MAP3K5: variants seen among roughly 807,000 people sequenced by gnomAD.
The protein encoded by MAP3K5 is ASK-1.
In MAP3K5, 56 loss-of-function variants were observed where a neutral mutation model predicts 158.7. The ratio of observed to expected loss-of-function variants is 0.35; its 90% CI spans 0.28 to 0.44. The LOEUF (loss-of-function observed/expected upper bound fraction) is 0.44. Ranked by LOEUF, MAP3K5 falls within the 20% of genes least tolerant of loss-of-function variation. The probability of loss-of-function intolerance (pLI) is 1.00; values close to 1 mark genes in which losing one functional copy is unlikely to be tolerated. For missense variants in MAP3K5, 1,294 were observed against 1,674.8 expected, an observed-to-expected ratio of 0.77 and a Z score of 3.97; for synonymous variants, 579 against 601.7, an observed-to-expected ratio of 0.96 and a Z score of 0.55.
intron 11 of MAP3K5, among the ~76,000 whole-genome samples, chr6:136,642,909 G>A (rs897921863): frequency 2.0e-5 from 3 of 152,136 alleles, no homozygotes; most frequent in Admixed American, 2.0e-4. Flanking sequence ...TATTATTACA[G>A]TTGAGAAATA....
chr6:136,647,862 G>A lies in MAP3K5; in HGVS notation c.1788+3122C>T, dbSNP rs112931561. 6.7e-3 allele frequency: 1,021 copies of A among 152,312 alleles called. 17 individuals are homozygous for A. The highest frequency in any genetic ancestry group is 0.021 in the African/African-American group (888 of 41,468). 9.4% of individuals were successfully genotyped at this position (152,312 alleles called of 1,614,324 possible). A position where few individuals can be genotyped will look rare whatever the true frequency, so the allele number is the denominator to read the frequency against. On this transcript the variant is annotated intron_variant, in intron 11 of 29. Coordinates refer to ENST00000359015, the MANE Select transcript of MAP3K5 (RefSeq NM_005923.4). ...TCACTGATCTTCCTCCTCACTGAAC[G>A]CCACAGACCAAGAACCCATAATGTC...
chr6:136,772,517 A>G (rs964646827), intron 1 of MAP3K5, among the ~76,000 whole-genome samples: 2 of 152,088 alleles, frequency 1.3e-5, no homozygotes, highest in African/African-American at 2.4e-5. Context: ...TGAACAGACA[A>G]TGAAAATGAA....
chr6:136,677,666 A>G (rs1779765090), intron 7 of MAP3K5, among the ~76,000 whole-genome samples: 3 of 152,244 alleles, frequency 2.0e-5, no homozygotes, highest in African/African-American at 4.8e-5. Flanking sequence ...ATGTGGTACA[A>G]TCACAAAATT....
intron 1 of MAP3K5, among the ~76,000 whole-genome samples, chr6:136,730,828 G>A (rs1782194214): frequency 6.6e-6 from 1 of 151,890 alleles, no homozygotes; most frequent in Non-Finnish European, 1.5e-5. Context: ...AGGCTTCCTG[G>A]ACTCAGGAAT....
At position 136,651,101 on chromosome 6, in the gene MAP3K5, A is replaced by C. The variant is rs375403180; in HGVS notation, c.1681-10T>G. 1 of 1,461,780 alleles carries C rather than the reference A, an allele frequency of 6.8e-7. No individual in the cohort carries two copies. The highest frequency in any genetic ancestry group is 1.4e-5 in the African/African-American group (1 of 72,094). 90.6% of individuals were successfully genotyped at this position (1,461,780 alleles called of 1,614,324 possible). On this transcript the variant is annotated splice_polypyrimidine_tract_variant and intron_variant, in intron 10 of 29. Coordinates refer to ENST00000359015, the MANE Select transcript of MAP3K5 (RefSeq NM_005923.4). The stretch of plus-strand genomic sequence containing the variant: ...GTTCTAATATTAATACCTTGAAAAG[A>C]TACGGCAAAGAAACTAATATCAGTG...
At chr6:136,660,621 GT>G (rs1305882218) in intron 8 of MAP3K5, among the ~76,000 whole-genome samples, 3 of 151,934 alleles carry the variant, frequency 2.0e-5, no homozygotes, top group Non-Finnish European at 2.9e-5. Context: ...ATAAGTATTT[GT>G]TTGCTTAAAA....
At chr6:136,677,934 C>CAGGCA (rs765764234) in intron 7 of MAP3K5, among the ~76,000 whole-genome samples, 88 of 152,338 alleles carry the variant, frequency 5.8e-4, no homozygotes, top group Non-Finnish European at 1.1e-3. Context: ...CATAATACTT[C>CAGGCA]TAATTCTGAC....
chr6:136,709,137 C>T (rs1781200784), intron 2 of MAP3K5, among the ~76,000 whole-genome samples: 1 of 152,106 alleles, frequency 6.6e-6, no homozygotes, highest in South Asian at 2.1e-4. Context: ...ATTCTCTCAC[C>T]CTACATCATG....
intron 7 of MAP3K5, among the ~76,000 whole-genome samples, chr6:136,682,983 T>C (rs2114602686): frequency 6.6e-6 from 1 of 152,144 alleles, no homozygotes; most frequent in East Asian, 1.9e-4. Context: ...AAATTTAATA[T>C]AGTCAATGTC....
At chr6:136,762,395 C>A (rs1165419530) in intron 1 of MAP3K5, among the ~76,000 whole-genome samples, 1 of 152,160 alleles carries the variant, frequency 6.6e-6, no homozygotes, top group East Asian at 1.9e-4. Context: ...GGATACACAG[C>A]CAAGAGCTGT....
intron 7 of MAP3K5, among the ~76,000 whole-genome samples, chr6:136,670,043 G>A (rs1779416238): frequency 6.6e-6 from 1 of 151,954 alleles, no homozygotes; most frequent in African/African-American, 2.4e-5. Flanking sequence ...CCATAAGAAT[G>A]ATATAAAAAT....
At chr6:136,710,201 G>C (rs189447375) in intron 2 of MAP3K5, among the ~76,000 whole-genome samples, 3 of 152,284 alleles carry the variant, frequency 2.0e-5, no homozygotes, top group East Asian at 3.9e-4. Context: ...CACTAAAGAG[G>C]GGTGGGAAGG....
chr6:136,791,621 T>C (rs369097321), intron 1 of MAP3K5, 89 bp downstream of exon 1: 23 of 1,432,288 alleles, frequency 1.6e-5, no homozygotes, highest in African/African-American at 4.2e-5. Context: ...AGTAAATGCT[T>C]CCCGCCCAGA....
At chr6:136,749,060 C>T (rs935202909) in intron 1 of MAP3K5, among the ~76,000 whole-genome samples, 1 of 152,134 alleles carries the variant, frequency 6.6e-6, no homozygotes, top group Non-Finnish European at 1.5e-5. Context: ...TAGGACTGGC[C>T]GGGCACAGTG....
At chr6:136,732,070 T>C (rs1338035798) in intron 1 of MAP3K5, among the ~76,000 whole-genome samples, 2 of 152,088 alleles carry the variant, frequency 1.3e-5, no homozygotes, top group African/African-American at 2.4e-5. Context: ...GACAGATGGG[T>C]TGGGTTCTAT....
intron 15 of MAP3K5, among the ~76,000 whole-genome samples, chr6:136,615,682 C>T (rs910322712): frequency 7.9e-5 from 12 of 152,284 alleles, no homozygotes; most frequent in African/African-American, 2.9e-4. Context: ...ACAATAAATA[C>T]AGACTCAAAG....
intron 1 of MAP3K5, among the ~76,000 whole-genome samples, chr6:136,785,110 G>C (rs1334264827): frequency 6.6e-6 from 1 of 152,216 alleles, no homozygotes; most frequent in Non-Finnish European, 1.5e-5. Context: ...AAATGCAGAA[G>C]TGGGCTGGAC....
chr6:136,781,633 C>T (rs1784616498), intron 1 of MAP3K5, among the ~76,000 whole-genome samples: 1 of 152,124 alleles, frequency 6.6e-6, no homozygotes, highest in South Asian at 2.1e-4. Flanking sequence ...AATTACACTG[C>T]CATGCCTACT....
chr6:136,561,447 G>C (rs1373593456), intron 28 of MAP3K5, 86 bp downstream of exon 28: 1 of 961,306 alleles, frequency 1.0e-6, no homozygotes, highest in African/African-American at 1.6e-5. Context: ...GCTCACCAGT[G>C]TATCCCCTGT....
Sources: gnomAD v4.1 joint callset for allele counts (sites outside exome capture counted in the v4.1 genomes callset) on GRCh38, gnomAD v4.1.1 for gene constraint, MANE v1.5 for transcripts, NCBI Gene and HGNC (gene_info 2026-07-23, HGNC 2026-07-21) for gene names.